The following KCNJ6 variants were observed in gnomAD, a reference collection of about 807,000 sequenced individuals.
KCNJ6 encodes the protein G protein-activated inward rectifier potassium channel 2.
A neutral mutation model predicts 34.2 loss-of-function variants in KCNJ6; 9 were observed. That is an observed-to-expected ratio of 0.26 (90% CI 0.16 to 0.46). The LOEUF is 0.46. Ranked by LOEUF, KCNJ6 falls within the 20% of genes least tolerant of loss-of-function variation. KCNJ6 has a pLI of 1.00. For synonymous variants in KCNJ6, 196 were observed against 207.1 expected (o/e 0.95, Z 0.46); for missense variants, 236 against 531.3 (o/e 0.44, Z 5.46).
chr21:37,688,354 C>T (rs1004781055), intron 3 of KCNJ6, among the ~76,000 whole-genome samples: 3 of 145,052 alleles, frequency 2.1e-5, no homozygotes, highest in Non-Finnish European at 3.0e-5. Flanking sequence ...TAGAGATACA[C>T]CCGTATTTTA....
chr21:37,780,392 T>C (rs1601467902), intron 2 of KCNJ6, among the ~76,000 whole-genome samples: 1 of 152,352 alleles, frequency 6.6e-6, no homozygotes, highest in Non-Finnish European at 1.5e-5. Context: ...TAATGGTGGC[T>C]ACTTAAACAT....
chr21:37,863,864 T>G (rs1253905030), intron 1 of KCNJ6, among the ~76,000 whole-genome samples: 1 of 144,378 alleles, frequency 6.9e-6, no homozygotes. Context: ...TTTTTTGTTT[T>G]TTTTTTTTTT....
intron 1 of KCNJ6, among the ~76,000 whole-genome samples, chr21:37,905,169 A>G (rs140982126): frequency 0.011 from 1,729 of 152,230 alleles, 19 homozygotes; most frequent in Non-Finnish European, 0.018. Flanking sequence ...ATGACACTAA[A>G]GCAGGTCCAT....
chr21:37,643,874 G>A (rs2054392186), intron 3 of KCNJ6, among the ~76,000 whole-genome samples: 1 of 152,118 alleles, frequency 6.6e-6, no homozygotes, highest in Admixed American at 6.5e-5. Context: ...CCATTACTGG[G>A]TACATACCCA....
intron 3 of KCNJ6, among the ~76,000 whole-genome samples, chr21:37,655,225 GA>G (rs2054456447): frequency 8.8e-3 from 16 of 1,826 alleles, no homozygotes; most frequent in African/African-American, 0.035. Flanking sequence ...GTGTGTGTGT[GA>G]GAGAGAGAGA....
intron 2 of KCNJ6, among the ~76,000 whole-genome samples, chr21:37,803,065 A>C (rs2055276899): frequency 6.6e-6 from 1 of 152,240 alleles, no homozygotes; most frequent in Non-Finnish European, 1.5e-5. Context: ...AATTTCAAAT[A>C]GTTGACGTCC....
At chr21:37,865,251 A>G (rs2055616791) in intron 1 of KCNJ6, among the ~76,000 whole-genome samples, 1 of 152,220 alleles carries the variant, frequency 6.6e-6, no homozygotes, top group Non-Finnish European at 1.5e-5. Context: ...TTTTAACGTG[A>G]TGCTGAAATC....
intron 2 of KCNJ6, among the ~76,000 whole-genome samples, chr21:37,718,818 TAAA>T (rs967124241): frequency 6.6e-6 from 1 of 152,060 alleles, no homozygotes; most frequent in Non-Finnish European, 1.5e-5. Flanking sequence ...AGTATAATAA[TAAA>T]AAAAAAATAC....
intron 2 of KCNJ6, among the ~76,000 whole-genome samples, chr21:37,744,218 C>T (rs796352604): frequency 6.8e-4 from 103 of 151,006 alleles, no homozygotes; most frequent in African/African-American, 2.2e-3. Context: ...TGCTAAATGA[C>T]GAGTTAATGG....
At chr21:37,822,707 C>T (rs964359630) in intron 2 of KCNJ6, among the ~76,000 whole-genome samples, 1 of 152,094 alleles carries the variant, frequency 6.6e-6, no homozygotes, top group African/African-American at 2.4e-5. Flanking sequence ...TTTTGATTGT[C>T]TTTTGTGAGG....
chr21:37,890,071 C>T (rs1318604313), intron 1 of KCNJ6, among the ~76,000 whole-genome samples: 2 of 152,146 alleles, frequency 1.3e-5, no homozygotes, highest in East Asian at 1.9e-4. Flanking sequence ...TTAGTCTTCT[C>T]ATACTGCTAA....
At chr21:37,802,398 G>A (rs1181942256) in intron 2 of KCNJ6, among the ~76,000 whole-genome samples, 6 of 152,024 alleles carry the variant, frequency 3.9e-5, no homozygotes, top group Non-Finnish European at 8.8e-5. Flanking sequence ...AGGGGAGATG[G>A]TCCTGGGTTA....
At chr21:37,847,510 C>T (rs1160808589) in intron 1 of KCNJ6, among the ~76,000 whole-genome samples, 1 of 152,220 alleles carries the variant, frequency 6.6e-6, no homozygotes, top group Admixed American at 6.5e-5. Flanking sequence ...TAAGATCCTT[C>T]TTCAATCATC....
At position 37,695,693 on chromosome 21, in the gene KCNJ6, G is replaced by A. The variant is rs2054660453; in HGVS notation, c.946+18518C>T. Among the ~76,000 whole-genome samples the A allele has an allele frequency of 6.6e-6, 1 of 152,188 alleles. No individual in the cohort carries two copies. The highest frequency in any genetic ancestry group is 1.5e-5 in the Non-Finnish European group (1 of 68,034). ...CGTGTACTTAGCAGCCAGTTAAGCT[G>A]GGCTAGAACCGACCTCTTTTGTAAA... On this transcript the variant is annotated intron_variant, in intron 3 of 3. Transcript: ENST00000609713. This position sits in a 1 kb window ranked among gnomAD's most constrained non-coding sequence, Gnocchi z 4.2.
intron 3 of KCNJ6, among the ~76,000 whole-genome samples, chr21:37,640,017 C>T (rs543933050): frequency 2.8e-4 from 42 of 152,322 alleles, no homozygotes; most frequent in African/African-American, 9.9e-4. Context: ...TTATAGATTA[C>T]CCAGTCTATA....
intron 2 of KCNJ6, among the ~76,000 whole-genome samples, chr21:37,824,098 T>G (rs535438894): frequency 6.6e-6 from 1 of 152,200 alleles, no homozygotes; most frequent in East Asian, 1.9e-4. Flanking sequence ...TCCATGGAGG[T>G]GGGGGGAAAA....
chr21:37,872,340 T>C (rs891789321), intron 1 of KCNJ6, among the ~76,000 whole-genome samples: 12 of 152,186 alleles, frequency 7.9e-5, no homozygotes, highest in African/African-American at 2.7e-4. Context: ...AAATAATATG[T>C]GGGCAAACCT....
At chr21:37,794,264 T>C (rs1320657041) in intron 2 of KCNJ6, among the ~76,000 whole-genome samples, 3 of 152,212 alleles carry the variant, frequency 2.0e-5, no homozygotes, top group African/African-American at 7.2e-5. Flanking sequence ...TAGATAGTGG[T>C]TAATGGGGGC....
intron 3 of KCNJ6, among the ~76,000 whole-genome samples, chr21:37,651,260 G>A (rs1398047618): frequency 6.6e-6 from 1 of 152,188 alleles, no homozygotes; most frequent in Non-Finnish European, 1.5e-5. Context: ...AGTCATACAT[G>A]AGATAATGAT....
Sources: gnomAD v4.1 joint callset for allele counts (sites outside exome capture counted in the v4.1 genomes callset) on GRCh38, gnomAD v4.1.1 for gene constraint, Gnocchi (gnomAD v3.1) non-coding constraint, MANE v1.5 for transcripts, NCBI Gene and HGNC (gene_info 2026-07-23, HGNC 2026-07-21) for gene names.